AMT: variants seen among roughly 807,000 people sequenced by gnomAD.
AMT encodes aminomethyltransferase.
In AMT, 24 loss-of-function variants were observed where a neutral mutation model predicts 39.5. The observed-to-expected ratio is 0.61, with a 90% confidence interval of 0.44 to 0.86. AMT has a LOEUF of 0.86. Among genes scored for constraint, AMT ranks in the 40% least tolerant of loss-of-function variants. The probability of loss-of-function intolerance (pLI) is 0.00; values close to 1 mark genes in which losing one functional copy is unlikely to be tolerated. For missense variants in AMT, 501 were observed against 537.0 expected, an observed-to-expected ratio of 0.93 and a Z score of 0.66; for synonymous variants, 210 against 212.1, an observed-to-expected ratio of 0.99 and a Z score of 0.09.
rs746080712 is a variant in AMT, at chr3:49,419,186, C to G, written c.697-35G>C. On this transcript the variant is annotated intron_variant, in intron 6 of 8. Transcript: ENST00000273588. ...ACACCAGAGGGCAGATGGGAAGCTC[C>G]CTGTACCACATACCCCCAACCCCTC... 3.1e-6 allele frequency: 5 copies of G among 1,613,576 alleles called. No individual in the cohort carries two copies. The Admixed American group carries it at 8.3e-5, about 27-fold the overall frequency.
At position 49,417,297 on chromosome 3, in the gene AMT, G is replaced by C; in HGVS notation, c.*243C>G. On this transcript the variant is annotated 3_prime_UTR_variant, in exon 9 of 9. Coordinates refer to ENST00000273588, the MANE Select transcript of AMT (RefSeq NM_000481.4). ...CCCTCCAGCAGGCAAGAGTAGGTCA[G>C]TGGGATCATGGACTGAAACAAGACA... 6.3e-7 allele frequency: 1 copy of C among 1,598,466 alleles called. No individual in the cohort carries two copies. The highest frequency in any genetic ancestry group is 8.5e-7 in the Non-Finnish European group (1 of 1,178,926).
At position 49,420,461 on chromosome 3, in the gene AMT, C is replaced by T. The variant is rs910539923; in HGVS notation, c.340-119G>A. The T allele has an allele frequency of 7.4e-6, 11 of 1,478,888 alleles. No homozygotes were observed. In the African/African-American group the frequency reaches 1.5e-4, roughly 21 times the overall value. The allele number at this position is 1,478,888 out of a possible 1,614,324, so 91.6% of individuals were successfully genotyped here. ...AGGTTATGAACCCTAATGTGAAGGA[C>T]TCAGGGTGTGCAAGGTACAAGTCTG... On this transcript the variant is annotated intron_variant, in intron 3 of 8. Transcript: ENST00000273588.
chr3:49,420,036 C>A, intron 4 of AMT, 175 bp downstream of exon 4: 2 of 926,926 alleles, frequency 2.2e-6, no homozygotes, highest in Non-Finnish European at 1.7e-6. Context: ...GGTAATCCCC[C>A]ACCACCAAAC....
chr3:49,419,674 C>G, intron 5 of AMT, 36 bp downstream of exon 5: 1 of 1,606,638 alleles, frequency 6.2e-7, no homozygotes, highest in Non-Finnish European at 8.5e-7. Flanking sequence ...GCCAGGAAGG[C>G]AAAGGTTGGC....
chr3:49,418,321 A>G (rs1394757389), intron 7 of AMT: 2 of 332,704 alleles, frequency 6.0e-6, no homozygotes, highest in East Asian at 1.5e-4. Flanking sequence ...TAGCTGGGAT[A>G]ACAGGCACCC....
intron 7 of AMT, chr3:49,418,490 G>GTTTTTT (rs1338075083): frequency 5.6e-5 from 5 of 89,412 alleles, no homozygotes; most frequent in East Asian, 8.7e-4. Flanking sequence ...AGCATCTTCA[G>GTTTTTT]TTTCTTTTTT....
chr3:49,417,228 A>C lies in AMT; in HGVS notation c.*312T>G, dbSNP rs2049014043. ...GGTGAGCCTTTGCTCCACAGCCAGC[A>C]CCTGGCAGAGTGGGAGAGATGGCAG... On this transcript the variant is annotated 3_prime_UTR_variant, in exon 9 of 9. Coordinates refer to ENST00000273588, the MANE Select transcript of AMT (RefSeq NM_000481.4). 1.3e-6 allele frequency: 2 copies of C among 1,556,916 alleles called. No individual in the cohort carries two copies. The highest frequency in any genetic ancestry group is 1.8e-6 in the Non-Finnish European group (2 of 1,142,474).
At chr3:49,421,158 G>A in intron 3 of AMT, 1 of 351,638 alleles carries the variant, frequency 2.8e-6, no homozygotes. Context: ...ACCCGCCTTG[G>A]CCTCCCCAAG....
In AMT at chr3:49,422,442, C is replaced by A. The variant is rs757040449; in HGVS notation, c.9G>T (p.Arg3Ser). The A allele has an allele frequency of 6.2e-6, 10 of 1,613,350 alleles. No homozygotes were observed. The highest frequency in any genetic ancestry group is 8.5e-6 in the Non-Finnish European group (10 of 1,179,962). Residue 3 changes from arginine (R) to serine (S), a missense_variant, in exon 1 of 9, where the codon AGG becomes AGT. Physicochemically the swap from Arg to Ser is moderately radical, Grantham distance 110. Transcript: ENST00000273588. Reference sequence around the variant, plus strand: ...CCAGACGGGCCACCACACTTACAGCCCTCTGCATCGTCGCCTGCAACGAGT... The same window carrying A: ...CCAGACGGGCCACCACACTTACAGCACTCTGCATCGTCGCCTGCAACGAGT... Reference protein sequence around the residue: MQRAVSVVARLGF... With the variant: MQSAVSVVARLGF...
Position 49,416,976 on chromosome 3 carries a change from T to C in AMT, c.*564A>G. On this transcript the variant is annotated 3_prime_UTR_variant, in exon 9 of 9. Transcript: ENST00000273588. ...GCAGCACACTAGACCAACTTGGGAA[T>C]GTGGAAGAGTGAGTCTATGTTCCCT... is the stretch of plus-strand genomic sequence containing the variant. 1 of 479,998 alleles carries C rather than the reference T, an allele frequency of 2.1e-6. No homozygotes were observed. The highest frequency in any genetic ancestry group is 4.1e-6 in the Non-Finnish European group (1 of 244,332). 29.7% of individuals were successfully genotyped at this position (479,998 alleles called of 1,614,324 possible).
At chr3:49,419,433 A>G in intron 5 of AMT, 28 bp from the exon 6 acceptor site, 1 of 1,611,918 alleles carries the variant, frequency 6.2e-7, no homozygotes, top group Non-Finnish European at 8.5e-7. Context: ...GTGACCAAGT[A>G]TCCAGGTCCC....
chr3:49,417,341 C>T lies in AMT; in HGVS notation c.*199G>A. ...CAAGACATTGTGTGAGCTGGTCCGT[C>T]ACTCAGAAGCAGGGTCCTGAAGGAA... On this transcript the variant is annotated 3_prime_UTR_variant, in exon 9 of 9. Transcript: ENST00000273588. The T allele has an allele frequency of 1.3e-6, 2 of 1,595,340 alleles. No homozygotes were observed. Among genetic ancestry groups the T allele is most frequent in the Non-Finnish European group, 1.7e-6 (2 of 1,175,870 alleles).
intron 3 of AMT, 65 bp from the exon 4 acceptor site, chr3:49,420,407 C>A: frequency 6.2e-7 from 1 of 1,612,232 alleles, no homozygotes; most frequent in Non-Finnish European, 8.5e-7. Flanking sequence ...GTGAGCCAGA[C>A]ACAACCCTGG....
intron 2 of AMT, 157 bp downstream of exon 2, chr3:49,421,947 T>C: frequency 9.8e-7 from 1 of 1,015,704 alleles, no homozygotes; most frequent in Non-Finnish European, 1.5e-6. Flanking sequence ...CTCATTTCCT[T>C]GGGGCCATTG....
chr3:49,420,777 C>G (rs1031493207), intron 3 of AMT: 2 of 245,322 alleles, frequency 8.2e-6, no homozygotes, highest in Non-Finnish European at 1.6e-5. Context: ...CTTCCTTAGC[C>G]TCCCCACTGG....
intron 7 of AMT, chr3:49,418,333 C>A (rs2049035334): frequency 3.0e-6 from 1 of 329,644 alleles, no homozygotes. Flanking sequence ...CAGGCACCCG[C>A]CACCACGCCT....
In AMT at chr3:49,419,296, C is replaced by T; in HGVS notation, c.660G>A (p.Val220=). The change falls in exon 6 of 9, where the codon GTG becomes GTA. Residue 220 remains valine, a synonymous_variant. Transcript: ENST00000273588. Reference sequence around the variant, plus strand: ...CCTCTCCTGTGTAGCCACAGCGGGTCACGCGGCAGCCAGACACGCCAAACA... The same window carrying T: ...CCTCTCCTGTGTAGCCACAGCGGGTTACGCGGCAGCCAGACACGCCAAACA... The part of the protein sequence containing the change: ...MEVFGVSGCR[V]TRCGYTGEDG... The T allele has an allele frequency of 6.2e-7, 1 of 1,614,208 alleles. No homozygotes were observed. Among genetic ancestry groups the T allele is most frequent in the Non-Finnish European group, 8.5e-7 (1 of 1,180,042 alleles).
intron 5 of AMT, 49 bp downstream of exon 5, chr3:49,419,661 G>T (rs918245338): frequency 1.3e-6 from 2 of 1,578,962 alleles, no homozygotes; most frequent in African/African-American, 2.7e-5. Context: ...AGCAGTCAAT[G>T]AAGCCAGGAA....
intron 7 of AMT, 62 bp from the exon 8 acceptor site, chr3:49,418,035 T>C: frequency 6.5e-7 from 1 of 1,546,306 alleles, no homozygotes; most frequent in Non-Finnish European, 8.7e-7. Context: ...CAGGAGGTCC[T>C]TATGAGGTCC....
Sources: gnomAD v4.1 joint callset for allele counts on GRCh38, gnomAD v4.1.1 for gene constraint, MANE v1.5 for transcripts, NCBI Gene and HGNC (gene_info 2026-07-23, HGNC 2026-07-21) for gene names.